Variants in FSAF1 observed in about 807,000 individuals in gnomAD.
The protein encoded by FSAF1 is 40S small subunit processome assembly factor 1.
At chr1:231,239,181 T>C in the FSAF1 span, 1 of 1,556,694 alleles carries the variant, frequency 6.4e-7, no homozygotes, top group Non-Finnish European at 8.7e-7. Flanking sequence ...TTTCACCTTC[T>C]GTACCTCCTG....
At chr1:231,233,201 T>G in the FSAF1 span, among the ~76,000 whole-genome samples, 2 of 152,214 alleles carry the variant, frequency 1.3e-5, no homozygotes, top group African/African-American at 2.4e-5. Flanking sequence ...TGTCTCTGTC[T>G]GGCGATGGCT....
the FSAF1 span, chr1:231,241,051 C>T: frequency 1.2e-6 from 2 of 1,614,104 alleles, no homozygotes; most frequent in East Asian, 4.5e-5. Flanking sequence ...TGGAGCAGAG[C>T]GTCAAGAAGT....
At chr1:231,227,625 G>T in the FSAF1 span, among the ~76,000 whole-genome samples, 2 of 117,240 alleles carry the variant, frequency 1.7e-5, no homozygotes, top group Admixed American at 2.4e-4. Flanking sequence ...GTCTCACTCT[G>T]TTGCCCAGGC....
chr1:231,230,234 C>T, the FSAF1 span, among the ~76,000 whole-genome samples: 1 of 152,028 alleles, frequency 6.6e-6, no homozygotes, highest in Non-Finnish European at 1.5e-5. Context: ...CTGAATCTCA[C>T]ACATCACACA....
At chr1:231,225,718 G>A in the FSAF1 span, 18 of 603,134 alleles carry the variant, frequency 3.0e-5, no homozygotes, top group Non-Finnish European at 4.4e-5. Flanking sequence ...GCCTGGCGTG[G>A]TGGCTCATGC....
the FSAF1 span, among the ~76,000 whole-genome samples, chr1:231,232,086 C>A: frequency 6.6e-6 from 1 of 152,198 alleles, no homozygotes; most frequent in African/African-American, 2.4e-5. Context: ...GCTGCTGAGT[C>A]CCTATTAGCA....
chr1:231,241,145 G>A, the FSAF1 span: 20 of 1,607,978 alleles, frequency 1.2e-5, no homozygotes, highest in East Asian at 4.0e-4. Context: ...CCCTCATTCT[G>A]CCGCGCTGCA....
chr1:231,236,788 C>A, the FSAF1 span: 2 of 152,158 alleles, frequency 1.3e-5, no homozygotes, highest in Non-Finnish European at 2.9e-5. Context: ...TATCATGACA[C>A]ATACAGAAAA....
At chr1:231,232,817 C>A in the FSAF1 span, among the ~76,000 whole-genome samples, 2 of 152,198 alleles carry the variant, frequency 1.3e-5, no homozygotes, top group East Asian at 3.9e-4. Flanking sequence ...TTTTCTCTTA[C>A]GCGGCTTAGA....
At chr1:231,241,120 C>T in the FSAF1 span, 1 of 1,613,084 alleles carries the variant, frequency 6.2e-7, no homozygotes, top group Admixed American at 1.7e-5. Context: ...ATTGTGGGGT[C>T]AGCCGAGGAA....
At chr1:231,238,812 T>C in the FSAF1 span, 6 of 1,523,544 alleles carry the variant, frequency 3.9e-6, no homozygotes, top group African/African-American at 5.5e-5. Context: ...AATACTACAA[T>C]ACCAGGGGGT....
the FSAF1 span, among the ~76,000 whole-genome samples, chr1:231,236,337 T>C: frequency 5.9e-5 from 9 of 152,032 alleles, no homozygotes; most frequent in Non-Finnish European, 1.0e-4. Flanking sequence ...TCTGTTTCCT[T>C]AACCAGACAC....
At chr1:231,225,722 C>A in the FSAF1 span, 2 of 595,680 alleles carry the variant, frequency 3.4e-6, no homozygotes, top group Non-Finnish European at 6.0e-6. Flanking sequence ...GGCGTGGTGG[C>A]TCATGCCTAT....
At chr1:231,228,463 G>A in the FSAF1 span, among the ~76,000 whole-genome samples, 4 of 152,086 alleles carry the variant, frequency 2.6e-5, no homozygotes, top group Non-Finnish European at 5.9e-5. Context: ...GCTGGGTGTG[G>A]TGGCACACGC....
At chr1:231,234,767 A>G in the FSAF1 span, among the ~76,000 whole-genome samples, 1 of 152,076 alleles carries the variant, frequency 6.6e-6, no homozygotes, top group Admixed American at 6.5e-5. This position sits in a 1 kb window ranked among gnomAD's most constrained non-coding sequence, Gnocchi z 4.0. Flanking sequence ...AGCACCAACC[A>G]TTCTCCCTTC....
At chr1:231,232,819 C>T in the FSAF1 span, among the ~76,000 whole-genome samples, 3 of 152,176 alleles carry the variant, frequency 2.0e-5, no homozygotes, top group East Asian at 1.9e-4. Flanking sequence ...TTCTCTTACG[C>T]GGCTTAGATT....
At chr1:231,233,966 A>G in the FSAF1 span, among the ~76,000 whole-genome samples, 2 of 152,192 alleles carry the variant, frequency 1.3e-5, no homozygotes, top group African/African-American at 4.8e-5. Flanking sequence ...GGTGTTTGGA[A>G]TTGCAGATAT....
the FSAF1 span, chr1:231,227,117 A>G: frequency 6.4e-7 from 1 of 1,574,682 alleles, no homozygotes; most frequent in Non-Finnish European, 8.7e-7. Context: ...AACAACTCCA[A>G]AGAAAAAAAC....
chr1:231,240,043 A>G, the FSAF1 span, among the ~76,000 whole-genome samples: 2 of 152,210 alleles, frequency 1.3e-5, no homozygotes, highest in Non-Finnish European at 2.9e-5. This position sits in a 1 kb window ranked among gnomAD's most constrained non-coding sequence, Gnocchi z 4.1. Context: ...AGTTAATACA[A>G]GCATGGGGTC....
Sources: allele counts gnomAD v4.1 joint callset (sites outside exome capture counted in the v4.1 genomes callset), GRCh38; gene constraint gnomAD v4.1.1; non-coding constraint Gnocchi (gnomAD v3.1); transcripts MANE v1.5; gene names NCBI Gene and HGNC (gene_info 2026-07-23, HGNC 2026-07-21).